Variants in STARD13 observed in about 807,000 individuals in gnomAD.
The protein encoded by STARD13 is stAR-related lipid transfer protein 13.
A neutral mutation model predicts 106.4 loss-of-function variants in STARD13; 62 were observed. The ratio of observed to expected loss-of-function variants is 0.58; its 90% confidence interval spans 0.48 to 0.72. The LOEUF (loss-of-function observed/expected upper bound fraction) is 0.72, where lower values mean the gene tolerates loss of function less well. Among genes scored for constraint, STARD13 ranks in the 30% least tolerant of loss-of-function variants. The pLI is 0.00. For synonymous variants in STARD13, 565 were observed against 553.0 expected (o/e 1.02, Z -0.31); for missense variants, 1,387 against 1,424.0 (o/e 0.97, Z 0.42).
intron 1 of STARD13, chr13:33,275,671 A>C (rs1891392686): frequency 6.6e-6 from 1 of 152,238 alleles, no homozygotes; most frequent in Admixed American, 6.5e-5. Flanking sequence ...TCCCTAAGAC[A>C]TTCTTGATCC....
rs1874648882 is a variant in STARD13 at position 33,111,979 on chromosome 13, T to C, written c.2493-87A>G. 5 of 800,100 alleles carry C rather than the reference T, an allele frequency of 6.2e-6. No individual in the cohort carries two copies. The East Asian group carries it at 7.8e-5, about 12-fold the overall frequency. The allele number at this position is 800,100 out of a possible 1,614,324, so 49.6% of individuals were successfully genotyped here. ...ACTCATCCCTTTTGTTTTCTGTTTA[T>C]ACCCAGATGCTATCCAGATCCCAGG... On this transcript the variant is annotated intron_variant, in intron 9 of 13. Coordinates refer to ENST00000336934, the MANE Select transcript of STARD13 (RefSeq NM_178006.4).
At chr13:33,588,141 G>A in the STARD13 span, among the ~76,000 whole-genome samples, 165 of 152,292 alleles carry the variant, frequency 1.1e-3, no homozygotes, top group African/African-American at 3.9e-3. Flanking sequence ...TGGCTATGCA[G>A]TGAGCTCTTG....
Position 33,123,686 on chromosome 13 carries a change from G to T in STARD13, c.2082+2395C>A, listed in dbSNP as rs144288817. On this transcript the variant is annotated intron_variant, in intron 7 of 13. Coordinates refer to ENST00000336934, the MANE Select transcript of STARD13 (RefSeq NM_178006.4). Reference sequence around the variant, plus strand: ...CACAGCCAGCTGCAAGGGCAAACATGGACACTCTGTTGCATCATATAGAAA... The same window carrying T: ...CACAGCCAGCTGCAAGGGCAAACATTGACACTCTGTTGCATCATATAGAAA... Among the ~76,000 whole-genome samples, 410 of 152,348 alleles carry T rather than the reference G, an allele frequency of 2.7e-3. 4 individuals are homozygous for T. The highest frequency in any genetic ancestry group is 8.7e-3 in the African/African-American group (363 of 41,580).
At chr13:33,623,933 G>A in the STARD13 span, among the ~76,000 whole-genome samples, 3 of 152,210 alleles carry the variant, frequency 2.0e-5, no homozygotes, top group East Asian at 1.9e-4. Context: ...CTAGAATGGC[G>A]GAATATTGAA....
chr13:33,437,773 C>T, the STARD13 span, among the ~76,000 whole-genome samples: 1 of 152,200 alleles, frequency 6.6e-6, no homozygotes, highest in South Asian at 2.1e-4. Context: ...ATATACTTCA[C>T]CAATATTTCC....
the STARD13 span, among the ~76,000 whole-genome samples, chr13:33,513,839 T>C: frequency 4.6e-5 from 7 of 152,310 alleles, no homozygotes; most frequent in Admixed American, 2.6e-4. Flanking sequence ...GCTGTTAATA[T>C]GTTTCCCCCA....
intron 1 of STARD13, among the ~76,000 whole-genome samples, chr13:33,262,862 C>T (rs947655196): frequency 5.3e-5 from 8 of 152,108 alleles, no homozygotes; most frequent in Non-Finnish European, 1.0e-4. Flanking sequence ...GTGACTTCTG[C>T]TTATTAGATG....
the STARD13 span, among the ~76,000 whole-genome samples, chr13:33,662,063 C>G: frequency 6.6e-6 from 1 of 151,850 alleles, no homozygotes; most frequent in Non-Finnish European, 1.5e-5. Flanking sequence ...GAGATCGAGA[C>G]CATCCTGGCT....
chr13:33,128,242 C>T (rs1450097019), intron 5 of STARD13, among the ~76,000 whole-genome samples: 1 of 152,010 alleles, frequency 6.6e-6, no homozygotes, highest in Non-Finnish European at 1.5e-5. Context: ...TGTCGAATGT[C>T]TAGGGCTGTA....
At chr13:33,353,641 T>C (rs1032412743), upstream of STARD13, among the ~76,000 whole-genome samples, 28 of 152,338 alleles carry the variant, frequency 1.8e-4, 1 homozygote, top group African/African-American at 6.5e-4. Context: ...AAATAATCCA[T>C]TTGGCACATA....
chr13:33,628,012 TGGAGTGCA>T, the STARD13 span, among the ~76,000 whole-genome samples: 1 of 151,060 alleles, frequency 6.6e-6, no homozygotes, highest in Non-Finnish European at 1.5e-5. Flanking sequence ...GTTGCCAGGC[TGGAGTGCA>T]GTGGCACGAT....
chr13:33,136,263 T>C (rs964927213), intron 4 of STARD13, among the ~76,000 whole-genome samples: 3 of 152,254 alleles, frequency 2.0e-5, no homozygotes, highest in Admixed American at 6.5e-5. Flanking sequence ...AAAAATGGTA[T>C]GAGCACAATT....
At position 33,341,331 on chromosome 13, in the gene STARD13, G is replaced by A. The variant is rs540224987; in HGVS notation, c.124+8959C>T. 9.2e-5 allele frequency among the ~76,000 whole-genome samples: 14 copies of A among 152,088 alleles called. 1 individual carries two copies. The highest frequency in any genetic ancestry group is 6.5e-4 in the Admixed American group (10 of 15,270). ...TGGCTTACAAAAAATCATATTCTGC[G>A]GTCCTCTCAAGAAATTTCCGTGAAC... On this transcript the variant is annotated intron_variant, in intron 1 of 5. Transcript: ENST00000567873.
At chr13:33,561,090 AT>A in the STARD13 span, among the ~76,000 whole-genome samples, 1 of 151,410 alleles carries the variant, frequency 6.6e-6, no homozygotes, top group Non-Finnish European at 1.5e-5. Context: ...TAACCTTTTC[AT>A]TTCTTTTAGT....
intron 1 of STARD13, among the ~76,000 whole-genome samples, chr13:33,187,234 G>C (rs1346290195): frequency 2.6e-5 from 4 of 152,218 alleles, no homozygotes. Context: ...CAGGGAAAGA[G>C]GGGGAAGGGT....
the STARD13 span, among the ~76,000 whole-genome samples, chr13:33,530,954 G>T: frequency 6.6e-6 from 1 of 152,084 alleles, no homozygotes; most frequent in Non-Finnish European, 1.5e-5. Flanking sequence ...GTTCCCTATT[G>T]ATATGGTTTG....
rs564908503 is a variant in STARD13 at position 33,114,793 on chromosome 13, G to A, written c.2282-1862C>T. Reference sequence around the variant, plus strand: ...GTCTCAGTTCCCTTTCTATCCGCTTGTTCTTTTATCCATCAGAAAATACTT... The same window carrying A: ...GTCTCAGTTCCCTTTCTATCCGCTTATTCTTTTATCCATCAGAAAATACTT... On this transcript the variant is annotated intron_variant, in intron 8 of 13. Transcript: ENST00000336934. 1.7e-4 allele frequency among the ~76,000 whole-genome samples: 26 copies of A among 152,048 alleles called. No homozygotes were observed. The East Asian group carries it at 4.6e-3, about 27-fold the overall frequency.
chr13:33,642,108 A>G, the STARD13 span, among the ~76,000 whole-genome samples: 1 of 152,192 alleles, frequency 6.6e-6, no homozygotes, highest in Non-Finnish European at 1.5e-5. Context: ...ATTGATACAG[A>G]GTACTGGCAA....
At position 33,331,061 on chromosome 13, in the gene STARD13, T is replaced by C. The variant is rs964836558; in HGVS notation, c.124+19229A>G. On this transcript the variant is annotated intron_variant, in intron 1 of 5. Transcript: ENST00000567873. ...TTTTTGTCATCCTGGAGTCAGAAAA[T>C]AATTTGCAGACTATCCAATAGAGCA... Among the ~76,000 whole-genome samples, 3 of 152,252 alleles carry C rather than the reference T, an allele frequency of 2.0e-5. No individual in the cohort carries two copies. In the Middle Eastern group the frequency reaches 0.01, roughly 518 times the overall value.
Sources: gnomAD v4.1 joint callset for allele counts (sites outside exome capture counted in the v4.1 genomes callset) on GRCh38, gnomAD v4.1.1 for gene constraint, MANE v1.5 for transcripts, NCBI Gene and HGNC (gene_info 2026-07-23, HGNC 2026-07-21) for gene names.